The following ZNF782 variants were observed in gnomAD, a reference collection of about 807,000 sequenced individuals.
The protein encoded by ZNF782 is zinc finger protein 782.
In ZNF782, 12 loss-of-function variants were observed where a neutral mutation model predicts 13.0. That is an observed-to-expected ratio of 0.92 (90% CI 0.59 to 1.50). The LOEUF (loss-of-function observed/expected upper bound fraction) is 1.50. Ranked by LOEUF, ZNF782 falls within the 40% of genes most tolerant of loss-of-function variation. The pLI is 0.00. For synonymous variants in ZNF782, 284 were observed against 283.0 expected, an observed-to-expected ratio of 1.00 and a Z score of -0.04; for missense variants, 770 against 822.9, an observed-to-expected ratio of 0.94 and a Z score of 0.79.
chr9:96,920,504 G>A, the ZNF782 span, among the ~76,000 whole-genome samples: 1 of 147,954 alleles, frequency 6.8e-6, no homozygotes, highest in East Asian at 2.1e-4. Context: ...CTGACCTCAT[G>A]ATCCGCCCGC....
chr9:96,842,159 G>GA (rs1177691741), intron 4 of ZNF782, among the ~76,000 whole-genome samples: 1 of 151,908 alleles, frequency 6.6e-6, no homozygotes, highest in East Asian at 1.9e-4. Flanking sequence ...CTTTTATACT[G>GA]AAAATCACAA....
intron 4 of ZNF782, among the ~76,000 whole-genome samples, chr9:96,840,366 G>A (rs1851149283): frequency 1.3e-5 from 2 of 151,860 alleles, no homozygotes; most frequent in Non-Finnish European, 2.9e-5. Flanking sequence ...GACATCCTTA[G>A]AGTTTTTCTC....
At chr9:96,876,410 C>T (rs933944181), upstream of ZNF782, among the ~76,000 whole-genome samples, 1 of 152,148 alleles carries the variant, frequency 6.6e-6, no homozygotes. Flanking sequence ...TAGATAGATG[C>T]TCATTTTACC....
the ZNF782 span, among the ~76,000 whole-genome samples, chr9:96,886,103 C>T: frequency 1.2e-4 from 19 of 152,130 alleles, no homozygotes; most frequent in African/African-American, 4.6e-4. Flanking sequence ...TTGCTTCAGC[C>T]TCCCAAAGTG....
At chr9:96,858,345 A>C (rs1851668337), upstream of ZNF782, among the ~76,000 whole-genome samples, 1 of 152,170 alleles carries the variant, frequency 6.6e-6, no homozygotes, top group Non-Finnish European at 1.5e-5. This position sits in a 1 kb window ranked among gnomAD's most constrained non-coding sequence, Gnocchi z 4.4. Flanking sequence ...CCCAATGCTC[A>C]CCTCACTCAA....
At chr9:96,839,041 G>A (rs1303527715) in intron 4 of ZNF782, among the ~76,000 whole-genome samples, 1 of 151,950 alleles carries the variant, frequency 6.6e-6, no homozygotes, top group Non-Finnish European at 1.5e-5. Flanking sequence ...ACTGTCAGTT[G>A]GTAGGAAGAG....
At chr9:96,828,421 A>G (rs1850697039) in intron 4 of ZNF782, among the ~76,000 whole-genome samples, 2 of 152,248 alleles carry the variant, frequency 1.3e-5, no homozygotes, top group Non-Finnish European at 2.9e-5. Flanking sequence ...AAATCTAGCA[A>G]CTCACAATGT....
the ZNF782 span, chr9:96,895,610 A>C: frequency 6.6e-6 from 1 of 152,234 alleles, no homozygotes; most frequent in Non-Finnish European, 1.5e-5. Flanking sequence ...GGAAAAGGGA[A>C]TAATCAGACT....
upstream of ZNF782, among the ~76,000 whole-genome samples, chr9:96,878,189 C>T (rs144484739): frequency 4.3e-4 from 65 of 152,308 alleles, no homozygotes; most frequent in Non-Finnish European, 8.2e-4. Flanking sequence ...GCTAGGATTA[C>T]AGGCGCGCGC....
In ZNF782 at chr9:96,819,502, C is replaced by T. The variant is rs767066493; in HGVS notation, c.521G>A (p.Ser174Asn). ...ERNVCDKWLI[S>N]IKDGRTNTQE... ...AGTGTTAGTTCTGCCATCCTTAATA[C>T]TGATGAGCCATTTGTCACAAACATT... The change falls in exon 6 of 6, where the codon AGT (serine) becomes AAT (asparagine). Residue 174 changes from serine (S) to asparagine (N), a missense_variant. Coordinates refer to ENST00000481138, the MANE Select transcript of ZNF782 (RefSeq NM_001001662.3). 3.1e-6 allele frequency: 5 copies of T among 1,613,344 alleles called. No homozygotes were observed. The highest frequency in any genetic ancestry group is 4.2e-6 in the Non-Finnish European group (5 of 1,179,852).
chr9:96,856,475 C>A (rs1851643791), upstream of ZNF782, among the ~76,000 whole-genome samples: 1 of 152,228 alleles, frequency 6.6e-6, no homozygotes, highest in Non-Finnish European at 1.5e-5. Flanking sequence ...CTCCCGCCCT[C>A]CCCAGAGAGA....
At chr9:96,823,169 A>G (rs901022193) in intron 5 of ZNF782, among the ~76,000 whole-genome samples, 2 of 152,168 alleles carry the variant, frequency 1.3e-5, no homozygotes, top group African/African-American at 4.8e-5. Context: ...TGTTGTAACT[A>G]CTCAATTCTA....
the ZNF782 span, among the ~76,000 whole-genome samples, chr9:96,925,144 G>C: frequency 2.0e-5 from 3 of 152,230 alleles, no homozygotes; most frequent in Non-Finnish European, 2.9e-5. Context: ...AACCGATGCT[G>C]GGAGCGGTTG....
chr9:96,920,679 G>A, the ZNF782 span, among the ~76,000 whole-genome samples: 1 of 149,920 alleles, frequency 6.7e-6, no homozygotes, highest in East Asian at 2.0e-4. Context: ...CACTTTGGGA[G>A]GCCGAGGCAG....
At chr9:96,822,366 G>A (rs991769103) in intron 5 of ZNF782, among the ~76,000 whole-genome samples, 6 of 152,232 alleles carry the variant, frequency 3.9e-5, no homozygotes, top group Non-Finnish European at 7.3e-5. Flanking sequence ...TATAATCCAG[G>A]TGGGAATGGA....
the ZNF782 span, chr9:96,895,849 G>C: frequency 6.6e-6 from 1 of 152,162 alleles, no homozygotes; most frequent in Non-Finnish European, 1.5e-5. Context: ...CTGGTTTCCT[G>C]ACCTGAAGAG....
the ZNF782 span, among the ~76,000 whole-genome samples, chr9:96,909,346 T>G: frequency 2.0e-5 from 3 of 151,168 alleles, no homozygotes; most frequent in Admixed American, 2.0e-4. Context: ...TAAGAAGATT[T>G]TAAACCATTC....
upstream of ZNF782, among the ~76,000 whole-genome samples, chr9:96,877,229 C>A (rs1005773920): frequency 1.3e-5 from 2 of 152,214 alleles, no homozygotes; most frequent in African/African-American, 4.8e-5. Flanking sequence ...CCTATTCACC[C>A]AAGGGTTGGT....
chr9:96,912,198 GAAAAA>G, the ZNF782 span, among the ~76,000 whole-genome samples: 151 of 56,682 alleles, frequency 2.7e-3, no homozygotes, highest in African/African-American at 9.1e-3. Context: ...ACTCCGTCTC[GAAAAA>G]AAAAAAAAAA....
Sources: allele counts gnomAD v4.1 joint callset (sites outside exome capture counted in the v4.1 genomes callset), GRCh38; gene constraint gnomAD v4.1.1; non-coding constraint Gnocchi (gnomAD v3.1); transcripts MANE v1.5; gene names NCBI Gene and HGNC (gene_info 2026-07-23, HGNC 2026-07-21).